The following MSTO1 variants were observed in gnomAD, a reference collection of about 807,000 sequenced individuals.
The protein encoded by MSTO1 is protein misato homolog 1.
MSTO1 carries 24 observed loss-of-function variants against 55.7 expected under a neutral mutation model. The ratio of observed to expected loss-of-function variants is 0.43; its 90% confidence interval spans 0.31 to 0.61. The LOEUF (loss-of-function observed/expected upper bound fraction) is 0.61, where lower values mean the gene tolerates loss of function less well. MSTO1 is among the 20% of genes least tolerant of loss of function. The pLI is 0.09. For missense variants in MSTO1, 363 were observed against 625.7 expected, an observed-to-expected ratio of 0.58 and a Z score of 4.48; for synonymous variants, 162 against 252.8, an observed-to-expected ratio of 0.64 and a Z score of 3.41.
the MSTO1 span, among the ~76,000 whole-genome samples, chr1:155,602,457 CAA>C: frequency 5.3e-5 from 8 of 152,104 alleles, no homozygotes; most frequent in Admixed American, 4.6e-4. Flanking sequence ...GCCTGGGCGA[CAA>C]GAGCGAAACT....
chr1:155,590,649 A>AG, the MSTO1 span: 2 of 1,412,966 alleles, frequency 1.4e-6, no homozygotes, highest in Non-Finnish European at 1.9e-6. Context: ...GAGAGATGGC[A>AG]GGGGCAGATG....
chr1:155,599,357 A>G, the MSTO1 span, among the ~76,000 whole-genome samples: 1 of 152,186 alleles, frequency 6.6e-6, no homozygotes, highest in Admixed American at 6.6e-5. Context: ...CCTTCTTTTG[A>G]TATTTAATAC....
rs1351691165 is a variant in MSTO1, at chr1:155,612,562, C to T, written c.958C>T (p.His320Tyr). Reference protein sequence around the residue: ...PEPPVSFPYLHYDATLPFHCS... With the variant: ...PEPPVSFPYLYYDATLPFHCS... ...GCCACCTGTCAGCTTCCCTTACCTG[C>T]ATTATGATGTAAGTCTCGGTGCTCT... Residue 320 changes from histidine to tyrosine, a missense_variant, in exon 9 of 14, where the codon CAT (histidine) becomes TAT (tyrosine). This residue lies in a region of MSTO1 where 231 missense variants were observed against 286.9 expected (regional missense o/e 0.81). Coordinates refer to ENST00000245564, the MANE Select transcript of MSTO1 (RefSeq NM_018116.4). 2.5e-6 allele frequency: 4 copies of T among 1,610,270 alleles called. No individual in the cohort carries two copies. In the African/African-American group the frequency reaches 4.0e-5, roughly 16 times the overall value.
At chr1:155,577,015 CAAAAAAAAAAAAAAAA>C in the MSTO1 span, among the ~76,000 whole-genome samples, 2 of 34,642 alleles carry the variant, frequency 5.8e-5, no homozygotes, top group Admixed American at 5.0e-4. Flanking sequence ...AACTCCGTCT[CAAAAAAAAAAAAAAAA>C]AAAAAAAAAA....
At chr1:155,609,450 G>GGA, upstream of MSTO1, among the ~76,000 whole-genome samples, 1 of 150,548 alleles carries the variant, frequency 6.6e-6, no homozygotes, top group East Asian at 2.0e-4. Context: ...GGGTTTCACC[G>GGA]TGTTAGCCAG....
upstream of MSTO1, among the ~76,000 whole-genome samples, chr1:155,609,164 A>G (rs1362726984): frequency 6.7e-6 from 1 of 148,640 alleles, no homozygotes; most frequent in East Asian, 2.0e-4. Flanking sequence ...AATGTTAATC[A>G]TAGCACCTAA....
chr1:155,577,384 G>C, the MSTO1 span, among the ~76,000 whole-genome samples: 3 of 152,002 alleles, frequency 2.0e-5, no homozygotes, highest in Non-Finnish European at 4.4e-5. Context: ...CACCACGCCC[G>C]GCCGCCCCCT....
chr1:155,609,974 C>A (rs191124341), upstream of MSTO1: 86 of 475,002 alleles, frequency 1.8e-4, no homozygotes, highest in Non-Finnish European at 4.5e-5. Flanking sequence ...AAGTCAGCGG[C>A]GGAGACGGCG....
upstream of MSTO1, among the ~76,000 whole-genome samples, chr1:155,609,243 A>ATATTTTT (rs59756178): frequency 2.5e-3 from 137 of 54,550 alleles, 2 homozygotes; most frequent in Middle Eastern, 0.017. Context: ...ATATATATAT[A>ATATTTTT]TTTTTTTTTT....
At chr1:155,613,352 A>G (rs1674761394) in intron 11 of MSTO1, 110 bp from the exon 12 acceptor site, 2 of 1,570,028 alleles carry the variant, frequency 1.3e-6, no homozygotes, top group East Asian at 2.3e-5. Flanking sequence ...AAAAGGAAAA[A>G]AAAAAGGGCT....
upstream of MSTO1, among the ~76,000 whole-genome samples, chr1:155,606,913 C>A (rs111985919): frequency 0.014 from 2,085 of 152,214 alleles, 49 homozygotes; most frequent in African/African-American, 0.048. Context: ...TGGCTCACTG[C>A]AACCTTTGCC....
At chr1:155,602,063 T>A in the MSTO1 span, 7 of 644,766 alleles carry the variant, frequency 1.1e-5, no homozygotes, top group African/African-American at 1.3e-4. Context: ...CTCTTCTGCC[T>A]TTTTTTAAGC....
chr1:155,590,565 G>T, the MSTO1 span: 2 of 1,070,844 alleles, frequency 1.9e-6, no homozygotes, highest in Non-Finnish European at 2.7e-6. Context: ...CTTCTGGATG[G>T]CTCTAGTGCC....
At chr1:155,573,047 A>G in the MSTO1 span, among the ~76,000 whole-genome samples, 1 of 152,126 alleles carries the variant, frequency 6.6e-6, no homozygotes, top group Non-Finnish European at 1.5e-5. Flanking sequence ...CTTTTTGGAG[A>G]AATGTATACT....
At chr1:155,582,581 C>T in the MSTO1 span, among the ~76,000 whole-genome samples, 1 of 96,814 alleles carries the variant, frequency 1.0e-5, no homozygotes, top group African/African-American at 3.7e-5. Flanking sequence ...GCCTCAGCCT[C>T]CCTAGTAGCT....
the MSTO1 span, among the ~76,000 whole-genome samples, chr1:155,589,356 G>A: frequency 6.6e-6 from 1 of 151,822 alleles, no homozygotes; most frequent in South Asian, 2.1e-4. Flanking sequence ...AGGCCAGACT[G>A]CTGTTGGTAA....
intron 9 of MSTO1, 38 bp downstream of exon 9, chr1:155,612,608 A>T: frequency 1.3e-6 from 2 of 1,577,008 alleles, no homozygotes. Flanking sequence ...GCGGCAGGCT[A>T]CAGGGCCTCC....
chr1:155,592,253 A>T, the MSTO1 span, among the ~76,000 whole-genome samples: 1 of 152,166 alleles, frequency 6.6e-6, no homozygotes, highest in Non-Finnish European at 1.5e-5. Flanking sequence ...GTCTGGATGG[A>T]GGGACAAAAG....
chr1:155,579,590 A>G, the MSTO1 span, among the ~76,000 whole-genome samples: 1 of 152,200 alleles, frequency 6.6e-6, no homozygotes, highest in African/African-American at 2.4e-5. Context: ...TGATTTTAGG[A>G]TATATACCCT....
Sources: allele counts gnomAD v4.1 joint callset (sites outside exome capture counted in the v4.1 genomes callset), GRCh38; gene constraint gnomAD v4.1.1; regional missense constraint gnomAD v4.1.1; transcripts MANE v1.5; gene names NCBI Gene and HGNC (gene_info 2026-07-23, HGNC 2026-07-21).